The following PCGF2 variants were observed in gnomAD, a reference collection of about 807,000 sequenced individuals.
PCGF2 encodes the protein polycomb group ring finger 2.
In PCGF2, 8 loss-of-function variants were observed where a neutral mutation model predicts 36.1. That is an observed-to-expected ratio of 0.22 (90% confidence interval 0.13 to 0.40). PCGF2 has a LOEUF of 0.40. Ranked by LOEUF, PCGF2 falls within the 10% of genes least tolerant of loss-of-function variation. PCGF2 has a pLI of 1.00. For synonymous variants in PCGF2, 198 were observed against 191.2 expected, an observed-to-expected ratio of 1.04 and a Z score of -0.29; for missense variants, 436 against 475.9, an observed-to-expected ratio of 0.92 and a Z score of 0.78.
rs552077906 is a variant in PCGF2, at chr17:38,736,727, G to T, written c.577-557C>A. On this transcript the variant is annotated intron_variant, in intron 9 of 10. Coordinates refer to ENST00000620225, the MANE Select transcript of PCGF2 (RefSeq NM_007144.3). ...CGGGTGTCTGTAGTCCCAGCTACTC[G>T]GGAGGCTGAGGCAGGAGAATGGCGT... is the stretch of plus-strand genomic sequence containing the variant. 2.6e-3 allele frequency among the ~76,000 whole-genome samples: 402 copies of T among 152,242 alleles called. 2 individuals are homozygous for T. The highest frequency in any genetic ancestry group is 3.7e-3 in the Non-Finnish European group (249 of 68,014).
At chr17:38,737,440 G>T (rs934232702) in intron 9 of PCGF2, among the ~76,000 whole-genome samples, 2 of 152,046 alleles carry the variant, frequency 1.3e-5, no homozygotes, top group Non-Finnish European at 2.9e-5. Flanking sequence ...TCCAGCCTGC[G>T]TGACAAAGGG....
chr17:38,744,425 G>A (rs934417861), intron 2 of PCGF2, among the ~76,000 whole-genome samples: 5 of 151,816 alleles, frequency 3.3e-5, no homozygotes, highest in Non-Finnish European at 2.9e-5. Context: ...GCAAGATATC[G>A]GCTCACTGCA....
At chr17:38,749,556 C>A (rs1225526367), upstream of PCGF2, 1 of 439,258 alleles carries the variant, frequency 2.3e-6, no homozygotes, top group Non-Finnish European at 4.7e-6. This position sits in a 1 kb window ranked among gnomAD's most constrained non-coding sequence, Gnocchi z 6.5. Context: ...GGATGGCGGC[C>A]GCGTCTGTCC....
chr17:38,740,185 G>T, intron 3 of PCGF2, 106 bp downstream of exon 3: 1 of 987,642 alleles, frequency 1.0e-6, no homozygotes, highest in Non-Finnish European at 1.6e-6. Context: ...TGGGCGCGTT[G>T]GCTCTTTAGG....
At chr17:38,738,273 C>A (rs990245868) in intron 9 of PCGF2, 80 bp downstream of exon 9, 1 of 1,227,376 alleles carries the variant, frequency 8.1e-7, no homozygotes, top group Non-Finnish European at 1.2e-6. Context: ...CTAGCCAGCT[C>A]TGACCAATGG....
At position 38,735,259 on chromosome 17, in the gene PCGF2, C is replaced by T; in HGVS notation, c.999G>A (p.Met333Ile). 6.8e-7 allele frequency: 1 copy of T among 1,462,768 alleles called. No individual in the cohort carries two copies. Among genetic ancestry groups the T allele is most frequent in the Non-Finnish European group, 9.1e-7 (1 of 1,096,870 alleles). 90.6% of individuals were successfully genotyped at this position (1,462,768 alleles called of 1,614,324 possible). ...GGGGCACGGGAGCGCCGTTGACAGT[C>T]ATCTTGCGCCCCCTGCTGGTGGAGG... ...TPSSTSRGRK[M>I]TVNGAPVPPL... Residue 333 changes from methionine (M) to isoleucine (I), a missense_variant, in exon 11 of 11, where the codon ATG becomes ATA. Around this residue, in one of 3 missense-constraint regions of PCGF2, gnomAD observed 227 missense variants for 212.9 expected, o/e 1.07. Coordinates refer to ENST00000620225, the MANE Select transcript of PCGF2 (RefSeq NM_007144.3).
rs554363495 is a variant in PCGF2 at position 38,738,837 on chromosome 17, C to T, written c.341G>A (p.Arg114His). 1.5e-5 allele frequency: 24 copies of T among 1,613,950 alleles called. No homozygotes were observed. The highest frequency in any genetic ancestry group is 1.7e-4 in the Middle Eastern group (1 of 6,054). The change falls in exon 7 of 11, where the codon CGC becomes CAC. Residue 114 changes from arginine to histidine, a missense_variant. Physicochemically the swap from Arg to His is conservative, Grantham distance 29. Around this residue, in one of 3 missense-constraint regions of PCGF2, gnomAD observed 189 missense variants for 219.3 expected, o/e 0.86. Transcript: ENST00000620225. Reference protein sequence around the residue: ...TEVPNGSNEDRGEVLEQEKGA... With the variant: ...TEVPNGSNEDHGEVLEQEKGA... ...CTTCTCCTGCTCCAAGACCTCGCCG[C>T]GGTCCTCATTGGAGCCGTTGGGGAC... is the stretch of plus-strand genomic sequence containing the variant.
At chr17:38,748,372 C>T (rs1389219374), upstream of PCGF2, 1 of 64,756 alleles carries the variant, frequency 1.5e-5, no homozygotes, top group African/African-American at 6.2e-5. Flanking sequence ...GGGGAGGGGA[C>T]CGAGGGGGGA....
In PCGF2 at chr17:38,736,258, G is replaced by T. The variant is rs1906714725; in HGVS notation, c.577-88C>A. On this transcript the variant is annotated intron_variant, in intron 9 of 10. Coordinates refer to ENST00000620225, the MANE Select transcript of PCGF2 (RefSeq NM_007144.3). ...TGGGGGACTGGGAGGCGGGGCAATG[G>T]GAAGGGTGGATTTACAGATGGTCCC... 3 of 771,952 alleles carry T rather than the reference G, an allele frequency of 3.9e-6. No individual in the cohort carries two copies. In the Admixed American group the frequency reaches 6.0e-5, roughly 15 times the overall value. 47.8% of individuals were successfully genotyped at this position (771,952 alleles called of 1,614,324 possible).
chr17:38,742,699 C>A (rs776183368), intron 2 of PCGF2, among the ~76,000 whole-genome samples: 40 of 152,320 alleles, frequency 2.6e-4, no homozygotes, highest in Non-Finnish European at 4.3e-4. Flanking sequence ...CCATAGTAAC[C>A]CTGTCCCTGG....
At chr17:38,737,631 G>T (rs886110720) in intron 9 of PCGF2, among the ~76,000 whole-genome samples, 1 of 152,122 alleles carries the variant, frequency 6.6e-6, no homozygotes, top group East Asian at 1.9e-4. Flanking sequence ...TATGGAATCT[G>T]GCCGGGTGCC....
In PCGF2 at chr17:38,735,152, G is replaced by T; in HGVS notation, c.*71C>A. On this transcript the variant is annotated 3_prime_UTR_variant, in exon 11 of 11. Transcript: ENST00000620225. Reference sequence around the variant, plus strand: ...AAGAGCTGGGGAAAGTAGAAGAGGTGGAAAAAAGGGCCCAGAAAAAGTGGA... The same window carrying T: ...AAGAGCTGGGGAAAGTAGAAGAGGTTGAAAAAAGGGCCCAGAAAAAGTGGA... 1 of 1,222,734 alleles carries T rather than the reference G, an allele frequency of 8.2e-7. No individual in the cohort carries two copies. The highest frequency in any genetic ancestry group is 1.1e-6 in the Non-Finnish European group (1 of 944,146). The allele number at this position is 1,222,734 out of a possible 1,614,324, so 75.7% of individuals were successfully genotyped here.
chr17:38,745,703 G>T (rs916469795), intron 2 of PCGF2, among the ~76,000 whole-genome samples: 3 of 152,184 alleles, frequency 2.0e-5, no homozygotes, highest in Non-Finnish European at 2.9e-5. Context: ...AAGCAGTAAT[G>T]CCCGGCTTCA....
chr17:38,738,982 G>A (rs1306906656), intron 6 of PCGF2, 86 bp downstream of exon 6: 1 of 1,546,814 alleles, frequency 6.5e-7, no homozygotes, highest in Non-Finnish European at 8.9e-7. Context: ...GTGCGCGGAG[G>A]AGGTCAGAGG....
intron 2 of PCGF2, among the ~76,000 whole-genome samples, chr17:38,747,179 T>C (rs1323194816): frequency 7.2e-5 from 11 of 151,868 alleles, no homozygotes; most frequent in Non-Finnish European, 1.6e-4. Context: ...GGAGCGATTA[T>C]GGGCAGACAG....
chr17:38,749,420 G>A (rs1283305797), upstream of PCGF2: 4 of 322,380 alleles, frequency 1.2e-5, no homozygotes, highest in East Asian at 7.7e-5. This position sits in a 1 kb window ranked among gnomAD's most constrained non-coding sequence, Gnocchi z 6.5. Context: ...CGAGGAGGGA[G>A]GCTTGGAAAC....
At chr17:38,746,485 TCCAC>T (rs1038371265) in intron 2 of PCGF2, 9 of 152,212 alleles carry the variant, frequency 5.9e-5, no homozygotes, top group African/African-American at 2.2e-4. Flanking sequence ...ACGACCCTGG[TCCAC>T]CCAGGGTAAA....
At chr17:38,749,631 C>G (rs556537671), upstream of PCGF2, 3 of 455,882 alleles carry the variant, frequency 6.6e-6, no homozygotes, top group South Asian at 4.6e-5. This position sits in a 1 kb window ranked among gnomAD's most constrained non-coding sequence, Gnocchi z 6.5. Context: ...GTGGGAGGCT[C>G]GAGTTAGAAA....
At chr17:38,740,525 C>T in intron 2 of PCGF2, 83 bp from the exon 3 acceptor site, 1 of 965,700 alleles carries the variant, frequency 1.0e-6, no homozygotes, top group East Asian at 2.8e-5. Flanking sequence ...TTTGGGAGGC[C>T]AAGGCGGGCG....
Sources: gnomAD v4.1 joint callset for allele counts (sites outside exome capture counted in the v4.1 genomes callset) on GRCh38, gnomAD v4.1.1 for gene constraint, gnomAD v4.1.1 regional missense constraint, Gnocchi (gnomAD v3.1) non-coding constraint, MANE v1.5 for transcripts, NCBI Gene and HGNC (gene_info 2026-07-23, HGNC 2026-07-21) for gene names.